The following RUFY2 variants were observed in gnomAD, a reference collection of about 807,000 sequenced individuals.
RUFY2 encodes the protein RUN and FYVE domain containing 2.
Under a neutral mutation model 94.4 loss-of-function variants are expected in RUFY2, and 49 were observed. The ratio of observed to expected loss-of-function variants is 0.52; its 90% CI spans 0.41 to 0.66. The LOEUF (loss-of-function observed/expected upper bound fraction) is 0.66, where lower values mean the gene tolerates loss of function less well. Among genes scored for constraint, RUFY2 ranks in the 30% least tolerant of loss-of-function variants. The probability of loss-of-function intolerance (pLI) is 0.00; values close to 1 mark genes in which losing one functional copy is unlikely to be tolerated. For synonymous variants in RUFY2, 255 were observed against 235.7 expected (o/e 1.08, Z -0.75); for missense variants, 541 against 692.8 (o/e 0.78, Z 2.46).
At chr10:68,352,969 T>C (rs929572884) in intron 16 of RUFY2, among the ~76,000 whole-genome samples, 6 of 150,908 alleles carry the variant, frequency 4.0e-5, no homozygotes, top group South Asian at 4.2e-4. Context: ...GATAAAGTAG[T>C]TCAAGTAAGA....
intron 7 of RUFY2, among the ~76,000 whole-genome samples, chr10:68,387,546 A>G (rs1181707810): frequency 6.6e-6 from 1 of 152,220 alleles, no homozygotes; most frequent in Non-Finnish European, 1.5e-5. Context: ...ATGTTTTTCC[A>G]TTCATATTAA....
chr10:68,406,895 T>TGACA, intron 1 of RUFY2: 1 of 1,586,418 alleles, frequency 6.3e-7, no homozygotes, highest in Non-Finnish European at 8.6e-7. Flanking sequence ...GACCCGGGAG[T>TGACA]GACACCCTGC....
Position 68,381,490 on chromosome 10 carries a change from A to T in RUFY2, c.940-91T>A, listed in dbSNP as rs2049052740. ...GAAAGATTTTCCATTCAATATGCAG[A>T]CTACACCTTTTAAGTCCACTAAAGG... On this transcript the variant is annotated intron_variant, in intron 10 of 17. Transcript: ENST00000602465. 20 of 1,209,850 alleles carry T rather than the reference A, an allele frequency of 1.7e-5. No individual in the cohort carries two copies. In the South Asian group the frequency reaches 2.9e-4, roughly 18 times the overall value. 74.9% of individuals were successfully genotyped at this position (1,209,850 alleles called of 1,614,324 possible).
intron 7 of RUFY2, among the ~76,000 whole-genome samples, chr10:68,390,931 C>T (rs2133011597): frequency 6.7e-6 from 1 of 150,244 alleles, no homozygotes; most frequent in South Asian, 2.1e-4. Flanking sequence ...CACACCTGGC[C>T]TAATTTTTTT....
chr10:68,355,299 C>T, intron 16 of RUFY2, 54 bp downstream of exon 16: 1 of 1,264,126 alleles, frequency 7.9e-7, no homozygotes, highest in Non-Finnish European at 1.2e-6. Context: ...AGGGCATTAC[C>T]TTCCATTGGA....
intron 16 of RUFY2, among the ~76,000 whole-genome samples, chr10:68,353,868 C>T (rs1019393339): frequency 2.6e-5 from 4 of 151,580 alleles, no homozygotes; most frequent in African/African-American, 9.7e-5. Context: ...CACAAAAAAC[C>T]TTACTTGATT....
At chr10:68,378,752 CAAAAAAG>C (rs1320947557) in intron 12 of RUFY2, 1 of 925,780 alleles carries the variant, frequency 1.1e-6, no homozygotes, top group South Asian at 1.9e-5. Context: ...ATAAAGAAAA[CAAAAAAG>C]AAAAAAGAAG....
chr10:68,395,740 T>G (rs10998110), intron 4 of RUFY2, among the ~76,000 whole-genome samples: 1 of 152,242 alleles, frequency 6.6e-6, no homozygotes, highest in South Asian at 2.1e-4. Flanking sequence ...ATGTACATTA[T>G]TTAATCACTT....
chr10:68,407,217 G>C lies in RUFY2; in HGVS notation c.-28C>G. The C allele has an allele frequency of 7.2e-7, 1 of 1,398,494 alleles. No individual in the cohort carries two copies. The highest frequency in any genetic ancestry group is 9.2e-7 in the Non-Finnish European group (1 of 1,088,092). The allele number at this position is 1,398,494 out of a possible 1,614,324, so 86.6% of individuals were successfully genotyped here. On this transcript the variant is annotated 5_prime_UTR_variant, in exon 1 of 18. Transcript: ENST00000602465. The stretch of plus-strand genomic sequence containing the variant: ...CGGCGGCGGCTGCGCGGTCTCGGGC[G>C]GAGGCTCCCTCGGCCTGTCCAGCAG...
chr10:68,388,750 C>T (rs1589943283), intron 7 of RUFY2, among the ~76,000 whole-genome samples: 3 of 148,574 alleles, frequency 2.0e-5, no homozygotes, highest in South Asian at 2.1e-4. Context: ...GTAGGAGGAT[C>T]GCTTGAGCCT....
intron 4 of RUFY2, among the ~76,000 whole-genome samples, chr10:68,395,198 C>T (rs997619960): frequency 2.0e-5 from 3 of 151,878 alleles, no homozygotes; most frequent in East Asian, 1.9e-4. Context: ...ATTAGCCAGG[C>T]GTGGTGGCAC....
At chr10:68,366,759 T>TATATATATAA (rs1235098742) in intron 13 of RUFY2, among the ~76,000 whole-genome samples, 5 of 131,848 alleles carry the variant, frequency 3.8e-5, no homozygotes, top group South Asian at 2.4e-4. Flanking sequence ...TATATATATA[T>TATATATATAA]AATATTAAAT....
At chr10:68,385,638 TA>T (rs1564831212) in intron 8 of RUFY2, among the ~76,000 whole-genome samples, 2 of 152,176 alleles carry the variant, frequency 1.3e-5, no homozygotes, top group Non-Finnish European at 2.9e-5. Context: ...AATTCTGGGA[TA>T]CATGTGCAGA....
chr10:68,386,158 A>C, intron 7 of RUFY2, 30 bp from the exon 8 acceptor site: 2 of 1,579,540 alleles, frequency 1.3e-6, no homozygotes, highest in Non-Finnish European at 1.7e-6. Flanking sequence ...AAACTCATTC[A>C]AAATCACACG....
At chr10:68,366,757 T>TAC (rs1661992433) in intron 13 of RUFY2, among the ~76,000 whole-genome samples, 1 of 135,518 alleles carries the variant, frequency 7.4e-6, no homozygotes, top group South Asian at 2.4e-4. Context: ...TATATATATA[T>TAC]ATAATATTAA....
chr10:68,392,919 T>C (rs1456919552), intron 7 of RUFY2, among the ~76,000 whole-genome samples: 4 of 144,642 alleles, frequency 2.8e-5, no homozygotes, highest in Non-Finnish European at 4.5e-5. Flanking sequence ...AGAGTGAGAC[T>C]TCATCTCAAA....
chr10:68,385,591 T>A (rs2049435267), intron 8 of RUFY2, among the ~76,000 whole-genome samples: 1 of 152,106 alleles, frequency 6.6e-6, no homozygotes. Context: ...AAGAATTTCT[T>A]TTTTTTAATG....
At chr10:68,350,212 G>A (rs771695410) in intron 16 of RUFY2, among the ~76,000 whole-genome samples, 1 of 151,994 alleles carries the variant, frequency 6.6e-6, no homozygotes, top group Non-Finnish European at 1.5e-5. Flanking sequence ...GTTTCACCAT[G>A]TTGGCCAGGT....
At chr10:68,399,001 AAT>A (rs2050612195) in intron 3 of RUFY2, among the ~76,000 whole-genome samples, 1 of 152,066 alleles carries the variant, frequency 6.6e-6, no homozygotes, top group Admixed American at 6.6e-5. Flanking sequence ...ATATACCAAA[AAT>A]ATCAATTGTG....
Sources: gnomAD v4.1 joint callset for allele counts (sites outside exome capture counted in the v4.1 genomes callset) on GRCh38, gnomAD v4.1.1 for gene constraint, MANE v1.5 for transcripts, NCBI Gene and HGNC (gene_info 2026-07-23, HGNC 2026-07-21) for gene names.